Variants in CACNA2D1 observed in about 807,000 individuals in gnomAD.
The protein encoded by CACNA2D1 is voltage-dependent calcium channel subunit alpha-2/delta-1.
CACNA2D1 carries 53 observed loss-of-function variants against 171.5 expected under a neutral mutation model. That is an observed-to-expected ratio of 0.31 (90% CI 0.25 to 0.39). CACNA2D1 has a LOEUF of 0.39. Among genes scored for constraint, CACNA2D1 ranks in the 10% least tolerant of loss-of-function variants. The pLI is 1.00. For synonymous variants in CACNA2D1, 442 were observed against 443.1 expected (o/e 1.00, Z 0.03); for missense variants, 903 against 1,299.8 (o/e 0.69, Z 4.69).
At position 82,007,765 on chromosome 7, in the gene CACNA2D1, A is replaced by G. The variant is rs752894733; in HGVS notation, c.1363-9T>C. 6.6e-7 allele frequency: 1 copy of G among 1,506,200 alleles called. No individual in the cohort carries two copies. Among genetic ancestry groups the G allele is most frequent in the Non-Finnish European group, 9.2e-7 (1 of 1,082,034 alleles). 93.3% of individuals were successfully genotyped at this position (1,506,200 alleles called of 1,614,324 possible). A position where few individuals can be genotyped will look rare whatever the true frequency, so the allele number is the denominator to read the frequency against. ...ATGACAAGTCCCAGTTCCTAAAAAT[A>G]GATTCAGAGAGAAAGGGCAAATTAA... On this transcript the variant is annotated splice_polypyrimidine_tract_variant and intron_variant, in intron 15 of 38. Transcript: ENST00000356860.
chr7:82,067,637 A>C (rs773376772), intron 7 of CACNA2D1, among the ~76,000 whole-genome samples: 22 of 152,190 alleles, frequency 1.4e-4, no homozygotes, highest in Non-Finnish European at 2.8e-4. Context: ...TTATTGACAC[A>C]ATCAATGTAA....
intron 3 of CACNA2D1, among the ~76,000 whole-genome samples, chr7:82,312,638 T>A (rs184003815): frequency 1.3e-5 from 2 of 150,804 alleles, no homozygotes; most frequent in Admixed American, 1.3e-4. Flanking sequence ...TACCTCAGCC[T>A]CTCGAGTAGC....
At chr7:82,355,821 C>T (rs1020381214) in intron 1 of CACNA2D1, among the ~76,000 whole-genome samples, 1 of 152,168 alleles carries the variant, frequency 6.6e-6, no homozygotes, top group Middle Eastern at 3.4e-3. Flanking sequence ...CATATATAAT[C>T]TCCATATATA....
chr7:81,961,123 T>C (rs1447821639), intron 36 of CACNA2D1, among the ~76,000 whole-genome samples: 1 of 151,918 alleles, frequency 6.6e-6, no homozygotes, highest in East Asian at 1.9e-4. Context: ...ACATTTCTTC[T>C]AGAATAATCT....
In CACNA2D1 at chr7:82,367,185, C is replaced by A. The variant is rs1160675383; in HGVS notation, c.96-17536G>T. On this transcript the variant is annotated intron_variant, in intron 1 of 38. Coordinates refer to ENST00000356860, the MANE Select transcript of CACNA2D1 (RefSeq NM_000722.4). ...TCAGCCTCCCAAAGGGGTAGGATTA[C>A]AGCATGAGCCACCATGCCTGGCTGA... is the stretch of plus-strand genomic sequence containing the variant. Among the ~76,000 whole-genome samples the A allele has an allele frequency of 2.6e-5, 4 of 152,030 alleles. No individual in the cohort carries two copies. In the East Asian group the frequency reaches 7.7e-4, roughly 29 times the overall value.
At chr7:81,985,787 C>T (rs945664714) in intron 21 of CACNA2D1, among the ~76,000 whole-genome samples, 11 of 152,076 alleles carry the variant, frequency 7.2e-5, no homozygotes, top group Admixed American at 1.3e-4. Context: ...ACAAGAGCCA[C>T]GGCGCTACTC....
In CACNA2D1 at chr7:82,279,203, AAC is replaced by A. The variant is rs529839043; in HGVS notation, c.294+55930_294+55931del. On this transcript the variant is annotated intron_variant, in intron 3 of 38. Transcript: ENST00000356860. ...GACTAATAGGTTCAGAGGGGCAATAAACTGAAATGAATATGTTCTGCAAAAGT... is the reference window on the plus strand; with the variant it reads ...GACTAATAGGTTCAGAGGGGCAATAATGAAATGAATATGTTCTGCAAAAGT... Among the ~76,000 whole-genome samples the A allele has an allele frequency of 2.0e-3, 298 of 152,348 alleles. 1 individual carries two copies. The highest frequency in any genetic ancestry group is 6.9e-3 in the African/African-American group (288 of 41,588).
intron 1 of CACNA2D1, among the ~76,000 whole-genome samples, chr7:82,409,739 C>T (rs948125939): frequency 2.6e-5 from 4 of 152,150 alleles, no homozygotes; most frequent in Non-Finnish European, 5.9e-5. Context: ...CTCTTTCGCA[C>T]ACTATCGTTT....
At chr7:82,001,911 T>A (rs145519502) in intron 18 of CACNA2D1, among the ~76,000 whole-genome samples, 1 of 151,724 alleles carries the variant, frequency 6.6e-6, no homozygotes, top group African/African-American at 2.4e-5. Flanking sequence ...GAATACAAAC[T>A]GTTACATTTT....
intron 5 of CACNA2D1, among the ~76,000 whole-genome samples, chr7:82,128,707 C>A (rs985818609): frequency 6.6e-6 from 1 of 152,084 alleles, no homozygotes; most frequent in African/African-American, 2.4e-5. Context: ...TCAGGAAATT[C>A]CAAATTTTGT....
intron 1 of CACNA2D1, among the ~76,000 whole-genome samples, chr7:82,442,239 C>T (rs1336002655): frequency 2.6e-5 from 4 of 152,152 alleles, no homozygotes; most frequent in African/African-American, 4.8e-5. Context: ...TTACTTTCCA[C>T]CAAAAACTCC....
chr7:82,286,420 C>T (rs572034608), intron 3 of CACNA2D1, among the ~76,000 whole-genome samples: 97 of 152,254 alleles, frequency 6.4e-4, no homozygotes, highest in African/African-American at 2.2e-3. Flanking sequence ...CACACACACC[C>T]CAAAACTACC....
At chr7:82,291,271 G>A (rs1249298592) in intron 3 of CACNA2D1, among the ~76,000 whole-genome samples, 2 of 136,406 alleles carry the variant, frequency 1.5e-5, no homozygotes, top group African/African-American at 5.4e-5. Context: ...AGAATATAGT[G>A]TATATATAAT....
At chr7:82,020,886 A>G (rs1259554582) in intron 12 of CACNA2D1, 3 of 152,316 alleles carry the variant, frequency 2.0e-5, no homozygotes, top group Middle Eastern at 3.4e-3. Context: ...GCTCAAGTAA[A>G]TAAAACAGAA....
chr7:82,264,897 A>C (rs1386401650), intron 3 of CACNA2D1, among the ~76,000 whole-genome samples: 1 of 152,212 alleles, frequency 6.6e-6, no homozygotes. Flanking sequence ...CCCTAATCAG[A>C]TATCTCCCCA....
At chr7:82,251,520 A>G (rs1805642900) in intron 3 of CACNA2D1, among the ~76,000 whole-genome samples, 1 of 152,318 alleles carries the variant, frequency 6.6e-6, no homozygotes, top group African/African-American at 2.4e-5. Context: ...TAAGAGTACA[A>G]TGTATTATCA....
At chr7:82,138,851 T>A (rs1426446307) in intron 4 of CACNA2D1, among the ~76,000 whole-genome samples, 1 of 152,186 alleles carries the variant, frequency 6.6e-6, no homozygotes, top group Admixed American at 6.6e-5. Flanking sequence ...TTATTGATCC[T>A]GCTTGTACCT....
chr7:82,327,918 C>A (rs1382315712), intron 3 of CACNA2D1, among the ~76,000 whole-genome samples: 1 of 152,118 alleles, frequency 6.6e-6, no homozygotes, highest in Non-Finnish European at 1.5e-5. Context: ...AACCCCAGCC[C>A]CTCAGCTCCC....
intron 1 of CACNA2D1, among the ~76,000 whole-genome samples, chr7:82,381,705 C>A (rs1823734936): frequency 6.6e-6 from 1 of 152,084 alleles, no homozygotes; most frequent in Non-Finnish European, 1.5e-5. Flanking sequence ...TACTTGAGCT[C>A]CCTTATGCAA....
Sources: gnomAD v4.1 joint callset for allele counts (sites outside exome capture counted in the v4.1 genomes callset) on GRCh38, gnomAD v4.1.1 for gene constraint, MANE v1.5 for transcripts, NCBI Gene and HGNC (gene_info 2026-07-23, HGNC 2026-07-21) for gene names.